Variants in ITK observed in about 807,000 individuals in gnomAD.
The protein encoded by ITK is tyrosine-protein kinase ITK/TSK.
Under a neutral mutation model 87.6 loss-of-function variants are expected in ITK, and 45 were observed. The ratio of observed to expected loss-of-function variants is 0.51; its 90% CI spans 0.40 to 0.66. ITK has a LOEUF of 0.66. Among genes scored for constraint, ITK ranks in the 30% least tolerant of loss-of-function variants. The probability of loss-of-function intolerance (pLI) is 0.00; values close to 1 mark genes in which losing one functional copy is unlikely to be tolerated. For synonymous variants in ITK, 303 were observed against 273.6 expected (o/e 1.11, Z -1.06); for missense variants, 605 against 766.3 (o/e 0.79, Z 2.48).
intron 3 of ITK, among the ~76,000 whole-genome samples, chr5:157,213,399 A>T (rs543732100): frequency 6.6e-6 from 1 of 152,336 alleles, no homozygotes; most frequent in South Asian, 2.1e-4. Context: ...ACGATATCAG[A>T]CAGGGTCTCA....
At position 157,253,770 on chromosome 5, in the gene ITK, A is replaced by G. The variant is rs182856986; in HGVS notation, c.*1092A>G. On this transcript the variant is annotated 3_prime_UTR_variant, in exon 17 of 17. Coordinates refer to ENST00000422843, the MANE Select transcript of ITK (RefSeq NM_005546.4). ...AGTCTCCTAAAATTCTAGGAGAGAA[A>G]TAAAGAGTCTGTTTTTGCTCAAACC... 7 of 216,650 alleles carry G rather than the reference A, an allele frequency of 3.2e-5. No homozygotes were observed. The highest frequency in any genetic ancestry group is 1.4e-4 in the African/African-American group (6 of 44,408). The allele number at this position is 216,650 out of a possible 1,614,324, so 13.4% of individuals were successfully genotyped here.
intron 1 of ITK, among the ~76,000 whole-genome samples, chr5:157,194,724 G>T (rs995572273): frequency 3.9e-5 from 6 of 152,168 alleles, no homozygotes; most frequent in Non-Finnish European, 7.3e-5. Flanking sequence ...TATAATTTAT[G>T]TTAGAAATAA....
chr5:157,242,566 C>T (rs1309640014), intron 11 of ITK, among the ~76,000 whole-genome samples: 1 of 152,126 alleles, frequency 6.6e-6, no homozygotes, highest in Non-Finnish European at 1.5e-5. Flanking sequence ...GCCTTGACCT[C>T]CTGGGCTCAA....
chr5:157,231,280 C>A (rs1368075941), intron 7 of ITK, among the ~76,000 whole-genome samples: 1 of 152,192 alleles, frequency 6.6e-6, no homozygotes. Flanking sequence ...ATTCCCTTCC[C>A]ATGCACTGAA....
At chr5:157,241,571 T>G in intron 10 of ITK, 75 bp from the exon 11 acceptor site, 3 of 1,007,584 alleles carry the variant, frequency 3.0e-6, no homozygotes, top group Non-Finnish European at 3.2e-6. Flanking sequence ...ATTATTATTT[T>G]TTTTAGTGAT....
intron 16 of ITK, 28 bp downstream of exon 16, chr5:157,249,035 A>G (rs1755080261): frequency 1.2e-6 from 2 of 1,604,936 alleles, no homozygotes; most frequent in Non-Finnish European, 1.7e-6. Context: ...TTCCCCATGC[A>G]TTGTCGTATA....
rs1754595318 is a variant in ITK, at chr5:157,229,078, T to C, written c.713+717T>C. 2.6e-5 allele frequency among the ~76,000 whole-genome samples: 4 copies of C among 152,190 alleles called. No homozygotes were observed. In the South Asian group the frequency reaches 8.3e-4, roughly 32 times the overall value. ...CATTGAATAATATAAGAATCTGTAA[T>C]AAATAGATAGACTGATAGATAAATA... On this transcript the variant is annotated intron_variant, in intron 7 of 16. Transcript: ENST00000422843.
At chr5:157,199,444 T>C (rs1753919257) in intron 1 of ITK, 1 of 152,170 alleles carries the variant, frequency 6.6e-6, no homozygotes, top group African/African-American at 2.4e-5. Flanking sequence ...AGGGAGTGTG[T>C]TCCACCTTTG....
intron 1 of ITK, among the ~76,000 whole-genome samples, chr5:157,198,720 T>C (rs895268111): frequency 6.6e-6 from 1 of 152,212 alleles, no homozygotes; most frequent in Non-Finnish European, 1.5e-5. Context: ...TTTTACAAGA[T>C]GCTAATTTTT....
At chr5:157,227,991 CG>C (rs1554102075) in intron 6 of ITK, among the ~76,000 whole-genome samples, 2 of 151,636 alleles carry the variant, frequency 1.3e-5, no homozygotes, top group Non-Finnish European at 2.9e-5. Context: ...CCACCACACC[CG>C]GCTAATTTTT....
At chr5:157,198,372 T>C (rs1011897186) in intron 1 of ITK, among the ~76,000 whole-genome samples, 1 of 152,202 alleles carries the variant, frequency 6.6e-6, no homozygotes, top group African/African-American at 2.4e-5. Context: ...GGCCAGGGTG[T>C]TACTATTTTC....
chr5:157,237,060 AG>A (rs1561662064), intron 8 of ITK, among the ~76,000 whole-genome samples: 1 of 152,258 alleles, frequency 6.6e-6, no homozygotes, highest in African/African-American at 2.4e-5. Context: ...ATCCTATTAC[AG>A]GGTATATACC....
chr5:157,254,409 CT>C lies in ITK; in HGVS notation c.*1732del, dbSNP rs767820958. 2 of 222,616 alleles carry C rather than the reference CT, an allele frequency of 9.0e-6. No individual in the cohort carries two copies. Among genetic ancestry groups the C allele is most frequent in the Non-Finnish European group, 1.8e-5 (2 of 111,456 alleles). 13.8% of individuals were successfully genotyped at this position (222,616 alleles called of 1,614,324 possible). A position where few individuals can be genotyped will look rare whatever the true frequency, so the allele number is the denominator to read the frequency against. On this transcript the variant is annotated 3_prime_UTR_variant, in exon 17 of 17. Transcript: ENST00000422843. Reference sequence around the variant, plus strand: ...TTCAAAGCAACTTTAAAAGATTCTTCTGTAGAAGTATGAGTTCTTCCTTTAA... The same window carrying C: ...TTCAAAGCAACTTTAAAAGATTCTTCGTAGAAGTATGAGTTCTTCCTTTAA...
chr5:157,234,173 G>C (rs560231091), intron 8 of ITK, among the ~76,000 whole-genome samples: 2 of 151,260 alleles, frequency 1.3e-5, no homozygotes, highest in South Asian at 4.2e-4. Context: ...TAGAGACGGG[G>C]TGTCGCCCTG....
intron 5 of ITK, among the ~76,000 whole-genome samples, chr5:157,220,368 C>T (rs543267118): frequency 3.3e-5 from 5 of 152,282 alleles, no homozygotes; most frequent in African/African-American, 1.2e-4. Context: ...CATGGGAACT[C>T]AAGTCTTCCT....
chr5:157,243,695 A>G lies in ITK; in HGVS notation c.1133A>G (p.His378Arg), dbSNP rs751053755. Residue 378 changes from histidine (H) to arginine (R), a missense_variant, in exon 12 of 17, where the codon CAT becomes CGT. By Grantham distance (29) the His-to-Arg change is conservative. This residue lies in a region of ITK where 464 missense variants were observed against 578.0 expected (regional missense o/e 0.80). Transcript: ENST00000422843. ...GGCAGTGGGCAATTTGGGTTGGTGC[A>G]TCTGGGCTACTGGCTCAACAAGGAC... ...EIGSGQFGLV[H>R]LGYWLNKDKV... 12 of 1,613,738 alleles carry G rather than the reference A, an allele frequency of 7.4e-6. No homozygotes were observed. Among genetic ancestry groups the G allele is most frequent in the Admixed American group, 5.0e-5 (3 of 59,978 alleles).
intron 6 of ITK, chr5:157,224,357 C>A (rs1754488884): frequency 6.6e-6 from 1 of 151,954 alleles, no homozygotes; most frequent in Non-Finnish European, 1.5e-5. Flanking sequence ...TGTGCAAATG[C>A]ATCCTTTTTT....
intron 9 of ITK, 82 bp downstream of exon 9, chr5:157,238,273 G>A: frequency 9.6e-7 from 1 of 1,042,008 alleles, no homozygotes; most frequent in Non-Finnish European, 1.5e-6. Context: ...AACAAAGTTA[G>A]ACAGTGCAAG....
In ITK at chr5:157,232,334, T is replaced by C. The variant is rs1160583892; in HGVS notation, c.714-6T>C. On this transcript the variant is annotated splice_polypyrimidine_tract_variant and splice_region_variant and intron_variant, in intron 7 of 16. Transcript: ENST00000422843. ...TCATTGACATATGACTTTTCCTTGC[T>C]TTCAGGTGGTACAATAAGAGTATCA... 6.2e-7 allele frequency: 1 copy of C among 1,605,112 alleles called. No homozygotes were observed. Among genetic ancestry groups the C allele is most frequent in the Non-Finnish European group, 8.5e-7 (1 of 1,172,268 alleles).
Sources: allele counts gnomAD v4.1 joint callset (sites outside exome capture counted in the v4.1 genomes callset), GRCh38; gene constraint gnomAD v4.1.1; regional missense constraint gnomAD v4.1.1; transcripts MANE v1.5; gene names NCBI Gene and HGNC (gene_info 2026-07-23, HGNC 2026-07-21).